DEFB132: variants seen among roughly 807,000 people sequenced by gnomAD.
The protein encoded by DEFB132 is beta-defensin 132.
DEFB132 carries 5 observed loss-of-function variants against 2.5 expected under a neutral mutation model. The observed-to-expected ratio is 2.00, with a 90% CI of 1.04 to 4.20. The LOEUF (loss-of-function observed/expected upper bound fraction) is 4.20, where lower values mean the gene tolerates loss of function less well. DEFB132 is among the 30% of genes most tolerant of loss of function. DEFB132 has a pLI of 0.00. For synonymous variants in DEFB132, 53 were observed against 46.2 expected (o/e 1.15, Z -0.60); for missense variants, 112 against 110.0 (o/e 1.02, Z -0.08).
Position 259,089 on chromosome 20 carries a change from G to A in DEFB132, c.71G>A (p.Gly24Glu), listed in dbSNP as rs1310155785. ...CTCTCCCATACAGCCAGTGCAGGTG[G>A]GTCAAAATGTGTGAGTAACACCCCA... ...LTQVIPASAG[G>E]SKCVSNTPGY... The change falls in exon 2 of 2, where the codon GGG becomes GAG. Residue 24 changes from glycine to glutamate, a missense_variant. Physicochemically the swap from Gly to Glu is moderately conservative, Grantham distance 98. Coordinates refer to ENST00000382376, the MANE Select transcript of DEFB132 (RefSeq NM_207469.3). 6.2e-7 allele frequency: 1 copy of A among 1,614,134 alleles called. No individual in the cohort carries two copies. The highest frequency in any genetic ancestry group is 8.5e-7 in the Non-Finnish European group (1 of 1,180,020).
chr20:258,409 A>C (rs1304829440), intron 1 of DEFB132, among the ~76,000 whole-genome samples: 1 of 152,184 alleles, frequency 6.6e-6, no homozygotes, highest in Non-Finnish European at 1.5e-5. Flanking sequence ...GAGAGAGATC[A>C]GAGGAGGGCC....
rs376569626 is a variant in DEFB132, at chr20:259,085, G to T, written c.67G>T (p.Gly23Cys). Residue 23 changes from glycine (G) to cysteine (C), a missense_variant, in exon 2 of 2, where the codon GGT (glycine) becomes TGT (cysteine). Physicochemically the swap from Gly to Cys is radical, Grantham distance 159 (BLOSUM62 -3). Coordinates refer to ENST00000382376, the MANE Select transcript of DEFB132 (RefSeq NM_207469.3). ...FLTQVIPASA[G>C]GSKCVSNTPG... ...TGTCCTCTCCCATACAGCCAGTGCA[G>T]GTGGGTCAAAATGTGTGAGTAACAC... 6.2e-7 allele frequency: 1 copy of T among 1,614,190 alleles called. No individual in the cohort carries two copies. Among genetic ancestry groups the T allele is most frequent in the African/African-American group, 1.3e-5 (1 of 75,044 alleles).
Position 259,370 on chromosome 20 carries a change from A to G in DEFB132, c.*64A>G, listed in dbSNP as rs1047125268. 3.9e-6 allele frequency: 6 copies of G among 1,551,856 alleles called. No homozygotes were observed. In the African/African-American group the frequency reaches 5.4e-5, roughly 14 times the overall value. On this transcript the variant is annotated 3_prime_UTR_variant, in exon 2 of 2. Coordinates refer to ENST00000382376, the MANE Select transcript of DEFB132 (RefSeq NM_207469.3). ...CATTTCCACAGTTCCAATTCCTCCT[A>G]CATTGCTGAGTACTAGCCAAGGCTC...
chr20:260,435 T>C lies in DEFB132; in HGVS notation c.*1129T>C, dbSNP rs140679553. 3.7e-3 allele frequency: 566 copies of C among 152,338 alleles called. 6 individuals carry two copies. Among genetic ancestry groups the C allele is most frequent in the African/African-American group, 0.013 (542 of 41,590 alleles). 9.4% of individuals were successfully genotyped at this position (152,338 alleles called of 1,614,324 possible). ...AGAATGTTTATAGAATAATGGAACA[T>C]AATAACATTATTCAAAATTGCATTT... On this transcript the variant is annotated 3_prime_UTR_variant, in exon 2 of 2. Transcript: ENST00000382376.
At chr20:259,044 C>T (rs770112136) in intron 1 of DEFB132, 33 bp from the exon 2 acceptor site, 3 of 1,608,112 alleles carry the variant, frequency 1.9e-6, no homozygotes, top group South Asian at 1.1e-5. Flanking sequence ...TGCTTCTAAC[C>T]ATGACTTCTC....
rs1288737870 is a variant in DEFB132, at chr20:259,313, C to T, written c.*7C>T. Reference sequence around the variant, plus strand: ...AACGACCGTAACATCATAATAACCACTGCTATCGCCTCCACCAACTCAGAG... The same window carrying T: ...AACGACCGTAACATCATAATAACCATTGCTATCGCCTCCACCAACTCAGAG... On this transcript the variant is annotated 3_prime_UTR_variant, in exon 2 of 2. Transcript: ENST00000382376. 1.9e-6 allele frequency: 3 copies of T among 1,613,286 alleles called. No individual in the cohort carries two copies. In the Admixed American group the frequency reaches 5.0e-5, roughly 27 times the overall value.
Position 259,147 on chromosome 20 carries a change from G to A in DEFB132, c.129G>A (p.Glu43=), listed in dbSNP as rs369608686. Reference sequence around the variant, plus strand: ...GCAGGACATGTTGCCACTGGGGGGAGACAGCATTGTTCATGTGCAACGCTT... The same window carrying A: ...GCAGGACATGTTGCCACTGGGGGGAAACAGCATTGTTCATGTGCAACGCTT... ...GYCRTCCHWG[E]TALFMCNASR... Residue 43 remains glutamate (E), a synonymous_variant, in exon 2 of 2, where the codon GAG becomes GAA. Coordinates refer to ENST00000382376, the MANE Select transcript of DEFB132 (RefSeq NM_207469.3). 33 of 1,614,098 alleles carry A rather than the reference G, an allele frequency of 2.0e-5. No homozygotes were observed. Among genetic ancestry groups the A allele is most frequent in the Non-Finnish European group, 2.5e-5 (30 of 1,180,064 alleles).
Position 259,305 on chromosome 20 carries a change from AATAACCACTGCTATCGCCTCC to A in DEFB132, c.*1_*21del. The A allele has an allele frequency of 6.2e-7, 1 of 1,613,968 alleles. No homozygotes were observed. The highest frequency in any genetic ancestry group is 8.5e-7 in the Non-Finnish European group (1 of 1,179,942). On this transcript the variant is annotated stop_retained_variant and 3_prime_UTR_variant, in exon 2 of 2. Transcript: ENST00000382376. ...AAGCAACAAACGACCGTAACATCAT[AATAACCACTGCTATCGCCTCC>A]ACCAACTCAGAGAAATATCATTTCC...
In DEFB132 at chr20:260,720, C is replaced by T. The variant is rs1277206126; in HGVS notation, c.*1414C>T. 5 of 152,184 alleles carry T rather than the reference C, an allele frequency of 3.3e-5. No individual in the cohort carries two copies. In the East Asian group the frequency reaches 9.6e-4, roughly 29 times the overall value. The allele number at this position is 152,184 out of a possible 1,614,324, so 9.4% of individuals were successfully genotyped here. Reference sequence around the variant, plus strand: ...AAAGATGTTAATGCCCATTCCCTAACTTATGTCTTAGACCAAAATTAATTC... The same window carrying T: ...AAAGATGTTAATGCCCATTCCCTAATTTATGTCTTAGACCAAAATTAATTC... On this transcript the variant is annotated 3_prime_UTR_variant, in exon 2 of 2. Coordinates refer to ENST00000382376, the MANE Select transcript of DEFB132 (RefSeq NM_207469.3).
Position 259,284 on chromosome 20 carries a change from A to G in DEFB132, c.266A>G (p.Gln89Arg). ...AACACACAAAGGAAAGACAAGAAGC[A>G]ACAAACGACCGTAACATCATAATAA... ...RRNTQRKDKK[Q>R]QTTVTS is the part of the protein sequence containing the mutation. The change falls in exon 2 of 2, where the codon CAA (glutamine) becomes CGA (arginine). Residue 89 changes from glutamine (Q) to arginine (R), a missense_variant. Physicochemically the swap from Gln to Arg is conservative, Grantham distance 43. Transcript: ENST00000382376. 2 of 1,613,638 alleles carry G rather than the reference A, an allele frequency of 1.2e-6. No individual in the cohort carries two copies. Among genetic ancestry groups the G allele is most frequent in the Non-Finnish European group, 1.7e-6 (2 of 1,179,626 alleles).
In DEFB132 at chr20:261,089, T is replaced by C. The variant is rs1281192456; in HGVS notation, c.*1783T>C. 1 of 152,448 alleles carries C rather than the reference T, an allele frequency of 6.6e-6. No homozygotes were observed. 9.4% of individuals were successfully genotyped at this position (152,448 alleles called of 1,614,324 possible). A position where few individuals can be genotyped will look rare whatever the true frequency, so the allele number is the denominator to read the frequency against. On this transcript the variant is annotated 3_prime_UTR_variant, in exon 2 of 2. Transcript: ENST00000382376. ...CAAATAAAGCTTCTATGAACATTTA[T>C]GTACAAATCTTTGTATGGATGTATG...
chr20:260,159 G>A lies in DEFB132; in HGVS notation c.*853G>A, dbSNP rs913482679. The stretch of plus-strand genomic sequence containing the variant: ...GGCATGATGCTGGTGACTCAAACGT[G>A]CCTACTCATGGTGTCAAATTGGCAT... On this transcript the variant is annotated 3_prime_UTR_variant, in exon 2 of 2. Coordinates refer to ENST00000382376, the MANE Select transcript of DEFB132 (RefSeq NM_207469.3). 1 of 152,194 alleles carries A rather than the reference G, an allele frequency of 6.6e-6. No individual in the cohort carries two copies. The highest frequency in any genetic ancestry group is 1.5e-5 in the Non-Finnish European group (1 of 68,024). 9.4% of individuals were successfully genotyped at this position (152,194 alleles called of 1,614,324 possible). A position where few individuals can be genotyped will look rare whatever the true frequency, so the allele number is the denominator to read the frequency against.
chr20:259,169 G>C lies in DEFB132; in HGVS notation c.151G>C (p.Ala51Pro). 6.2e-7 allele frequency: 1 copy of C among 1,614,172 alleles called. No individual in the cohort carries two copies. Among genetic ancestry groups the C allele is most frequent in the Non-Finnish European group, 8.5e-7 (1 of 1,180,038 alleles). ...GGAGACAGCATTGTTCATGTGCAACGCTTCCAGAAAATGCTGCATCAGCTA... is the reference window on the plus strand; with the variant it reads ...GGAGACAGCATTGTTCATGTGCAACCCTTCCAGAAAATGCTGCATCAGCTA... ...WGETALFMCN[A>P]SRKCCISYSF... is the part of the protein sequence containing the mutation. Residue 51 changes from alanine to proline, a missense_variant, in exon 2 of 2, where the codon GCT becomes CCT. Coordinates refer to ENST00000382376, the MANE Select transcript of DEFB132 (RefSeq NM_207469.3).
rs2011598436 is a variant in DEFB132, at chr20:257,836, G to C, written c.58G>C (p.Ala20Pro). Residue 20 changes from alanine (A) to proline (P), a missense_variant and splice_region_variant, in exon 1 of 2, where the codon GCC becomes CCC. Coordinates refer to ENST00000382376, the MANE Select transcript of DEFB132 (RefSeq NM_207469.3). ...ALGFLTQVIP[A>P]SAGGSKCVSN... ...CGGATTCCTGACCCAGGTGATCCCAGGTAAACTGGATAAATAGGAGGAAAG... is the reference window on the plus strand; with the variant it reads ...CGGATTCCTGACCCAGGTGATCCCACGTAAACTGGATAAATAGGAGGAAAG... 6.2e-7 allele frequency: 1 copy of C among 1,607,236 alleles called. No homozygotes were observed. Among genetic ancestry groups the C allele is most frequent in the Non-Finnish European group, 8.5e-7 (1 of 1,175,012 alleles).
Position 259,146 on chromosome 20 carries a change from A to G in DEFB132, c.128A>G (p.Glu43Gly), listed in dbSNP as rs751192255. ...GYCRTCCHWG[E>G]TALFMCNASR... is the part of the protein sequence containing the mutation. Reference sequence around the variant, plus strand: ...TGCAGGACATGTTGCCACTGGGGGGAGACAGCATTGTTCATGTGCAACGCT... The same window carrying G: ...TGCAGGACATGTTGCCACTGGGGGGGGACAGCATTGTTCATGTGCAACGCT... Residue 43 changes from glutamate (E) to glycine (G), a missense_variant, in exon 2 of 2, where the codon GAG becomes GGG. By Grantham distance (98) the Glu-to-Gly change is moderately conservative (BLOSUM62 -2). Transcript: ENST00000382376. 7 of 1,614,016 alleles carry G rather than the reference A, an allele frequency of 4.3e-6. No homozygotes were observed. The African/African-American group carries it at 9.3e-5, about 22-fold the overall frequency.
At position 257,939 on chromosome 20, in the gene DEFB132, C is replaced by CA. The variant is rs1273643245; in HGVS notation, c.58+104dup. On this transcript the variant is annotated intron_variant, in intron 1 of 1. Coordinates refer to ENST00000382376, the MANE Select transcript of DEFB132 (RefSeq NM_207469.3). ...AGCCAGGTTGGGTGGAGGCAGGGCT[C>CA]ACCCCACTGAGTTCCAGTCTAAGGT... The CA allele has an allele frequency of 2.5e-6, 3 of 1,183,148 alleles. No individual in the cohort carries two copies. The African/African-American group carries it at 4.5e-5, about 18-fold the overall frequency. 73.3% of individuals were successfully genotyped at this position (1,183,148 alleles called of 1,614,324 possible).
Position 259,173 on chromosome 20 carries a change from C to G in DEFB132, c.155C>G (p.Ser52Cys), listed in dbSNP as rs749674212. 6 of 1,614,090 alleles carry G rather than the reference C, an allele frequency of 3.7e-6. No individual in the cohort carries two copies. In the African/African-American group the frequency reaches 8.0e-5, roughly 22 times the overall value. ...ACAGCATTGTTCATGTGCAACGCTT[C>G]CAGAAAATGCTGCATCAGCTACTCC... ...GETALFMCNA[S>C]RKCCISYSFL... is the part of the protein sequence containing the mutation. Residue 52 changes from serine (S) to cysteine (C), a missense_variant, in exon 2 of 2, where the codon TCC becomes TGC. Coordinates refer to ENST00000382376, the MANE Select transcript of DEFB132 (RefSeq NM_207469.3).
rs1017415991 is a variant in DEFB132, at chr20:259,526, G to A, written c.*220G>A. The A allele has an allele frequency of 5.3e-6, 3 of 568,142 alleles. No individual in the cohort carries two copies. The highest frequency in any genetic ancestry group is 9.4e-6 in the Non-Finnish European group (3 of 320,446). 35.2% of individuals were successfully genotyped at this position (568,142 alleles called of 1,614,324 possible). A position where few individuals can be genotyped will look rare whatever the true frequency, so the allele number is the denominator to read the frequency against. On this transcript the variant is annotated 3_prime_UTR_variant, in exon 2 of 2. Coordinates refer to ENST00000382376, the MANE Select transcript of DEFB132 (RefSeq NM_207469.3). ...CAATCATCATGCAGATTCGTCCACA[G>A]GGGATCTGTCAGTTTGGGTCCTCCA...
chr20:259,328 C>A lies in DEFB132; in HGVS notation c.*22C>A. On this transcript the variant is annotated 3_prime_UTR_variant, in exon 2 of 2. Transcript: ENST00000382376. ...ATAATAACCACTGCTATCGCCTCCA[C>A]CAACTCAGAGAAATATCATTTCCAC... 1 of 1,609,458 alleles carries A rather than the reference C, an allele frequency of 6.2e-7. No individual in the cohort carries two copies. Among genetic ancestry groups the A allele is most frequent in the Non-Finnish European group, 8.5e-7 (1 of 1,176,910 alleles).
Sources: gnomAD v4.1 joint callset for allele counts (sites outside exome capture counted in the v4.1 genomes callset) on GRCh38, gnomAD v4.1.1 for gene constraint, MANE v1.5 for transcripts, NCBI Gene and HGNC (gene_info 2026-07-23, HGNC 2026-07-21) for gene names.